The following LINGO2 variants were observed in gnomAD, a reference collection of about 807,000 sequenced individuals.
The protein encoded by LINGO2 is leucine rich repeat and Ig domain containing 2, also known as leucine-rich repeat and immunoglobulin-like domain-containing nogo receptor-interacting protein 2.
LINGO2 carries 14 observed loss-of-function variants against 30.6 expected under a neutral mutation model. The observed-to-expected ratio is 0.46, with a 90% CI of 0.30 to 0.72. The LOEUF is 0.72. Ranked by LOEUF, LINGO2 falls within the 30% of genes least tolerant of loss-of-function variation. The probability of loss-of-function intolerance (pLI) is 0.07; values close to 1 mark genes in which losing one functional copy is unlikely to be tolerated. For missense variants in LINGO2, 729 were observed against 751.7 expected (o/e 0.97, Z 0.35); for synonymous variants, 317 against 288.5 (o/e 1.10, Z -1.00).
chr9:29,129,253 T>A, the LINGO2 span, among the ~76,000 whole-genome samples: 1 of 152,202 alleles, frequency 6.6e-6, no homozygotes, highest in South Asian at 2.1e-4. Context: ...TTTAAAAAAA[T>A]TGTTAACAAG....
intron 1 of LINGO2, among the ~76,000 whole-genome samples, chr9:28,500,005 T>G (rs1430991726): frequency 6.6e-6 from 1 of 152,168 alleles, no homozygotes; most frequent in East Asian, 1.9e-4. Context: ...CACCAGAGAT[T>G]TTTCTTGATA....
At chr9:28,908,823 T>C in the LINGO2 span, among the ~76,000 whole-genome samples, 1 of 151,950 alleles carries the variant, frequency 6.6e-6, no homozygotes, top group Non-Finnish European at 1.5e-5. Context: ...TACAATGAAA[T>C]TCAAACTTAA....
intron 4 of LINGO2, among the ~76,000 whole-genome samples, chr9:28,227,315 G>C (rs1821204397): frequency 6.6e-6 from 1 of 151,998 alleles, no homozygotes; most frequent in East Asian, 1.9e-4. Context: ...ATGGACCATG[G>C]TCCCCTATTA....
the LINGO2 span, among the ~76,000 whole-genome samples, chr9:28,731,578 A>G: frequency 2.6e-5 from 4 of 152,154 alleles, no homozygotes; most frequent in Non-Finnish European, 4.4e-5. Context: ...GAACAACTCA[A>G]GGGATACTTG....
chr9:28,464,818 A>G (rs1277503390), intron 2 of LINGO2, among the ~76,000 whole-genome samples: 1 of 152,206 alleles, frequency 6.6e-6, no homozygotes, highest in Non-Finnish European at 1.5e-5. Context: ...TTCTTGAGCA[A>G]CACCCCACAA....
At chr9:28,422,879 T>C (rs1823259048) in intron 2 of LINGO2, among the ~76,000 whole-genome samples, 1 of 152,060 alleles carries the variant, frequency 6.6e-6, no homozygotes, top group African/African-American at 2.4e-5. Context: ...TGCTATAACG[T>C]GGATAAACTT....
the LINGO2 span, among the ~76,000 whole-genome samples, chr9:29,207,762 C>T: frequency 1.3e-5 from 2 of 151,988 alleles, no homozygotes; most frequent in African/African-American, 4.8e-5. Context: ...TTAACTTACC[C>T]TTGCAGCCAG....
intron 3 of LINGO2, among the ~76,000 whole-genome samples, chr9:28,336,776 C>T (rs1313518440): frequency 6.6e-6 from 1 of 151,396 alleles, no homozygotes; most frequent in Non-Finnish European, 1.5e-5. Flanking sequence ...TAATCATTAC[C>T]AGTGCAAATT....
At chr9:27,950,557 T>G in exon 6 of LINGO2, 1 of 1,556,464 alleles carries the variant, frequency 6.4e-7, no homozygotes, top group Non-Finnish European at 8.7e-7. Flanking sequence ...CTAACAGATT[T>G]GTTCTGGGCA....
the LINGO2 span, chr9:27,942,495 C>T: frequency 1.3e-5 from 2 of 151,654 alleles, no homozygotes; most frequent in Non-Finnish European, 2.9e-5. Flanking sequence ...TTTGTTTTTA[C>T]ATGTTAAAAA....
At chr9:28,488,645 G>T (rs559355074) in intron 1 of LINGO2, among the ~76,000 whole-genome samples, 2 of 152,088 alleles carry the variant, frequency 1.3e-5, no homozygotes, top group East Asian at 3.9e-4. Context: ...AATCAAAGGA[G>T]TTTTTTTGTG....
intron 1 of LINGO2, among the ~76,000 whole-genome samples, chr9:28,606,637 T>C (rs553959173): frequency 6.6e-6 from 1 of 152,158 alleles, no homozygotes; most frequent in South Asian, 2.1e-4. Context: ...AGGTAAAATT[T>C]GTTACTCTTA....
chr9:28,613,916 C>A (rs546438803), intron 1 of LINGO2, among the ~76,000 whole-genome samples: 206 of 151,640 alleles, frequency 1.4e-3, no homozygotes, highest in African/African-American at 4.9e-3. Flanking sequence ...TGAATGGATA[C>A]CCAACTTTGA....
chr9:28,758,046 TG>T, the LINGO2 span, among the ~76,000 whole-genome samples: 1 of 152,046 alleles, frequency 6.6e-6, no homozygotes. Context: ...TGGTTCTCCA[TG>T]GAAGGATAAG....
At chr9:28,170,128 TG>T (rs779310931) in intron 4 of LINGO2, among the ~76,000 whole-genome samples, 12 of 152,180 alleles carry the variant, frequency 7.9e-5, no homozygotes, top group Non-Finnish European at 1.5e-4. Context: ...GGACCATACC[TG>T]GTATTGAATA....
chr9:28,138,364 A>T (rs1827574933), intron 4 of LINGO2, among the ~76,000 whole-genome samples: 1 of 152,242 alleles, frequency 6.6e-6, no homozygotes, highest in South Asian at 2.1e-4. Context: ...GTCTACATGT[A>T]TGGAATACGG....
intron 1 of LINGO2, among the ~76,000 whole-genome samples, chr9:28,526,216 T>G (rs1039002024): frequency 6.6e-6 from 1 of 152,264 alleles, no homozygotes; most frequent in South Asian, 2.1e-4. Context: ...TCTGGAAGAA[T>G]GTTACTTGGA....
intron 2 of LINGO2, among the ~76,000 whole-genome samples, chr9:28,428,593 T>C (rs1564193040): frequency 6.6e-6 from 1 of 151,364 alleles, no homozygotes; most frequent in Non-Finnish European, 1.5e-5. Context: ...TTGACCTCAA[T>C]TGACTCAAAA....
chr9:27,960,522 T>A (rs1819787667), intron 5 of LINGO2, among the ~76,000 whole-genome samples: 1 of 152,152 alleles, frequency 6.6e-6, no homozygotes, highest in African/African-American at 2.4e-5. Flanking sequence ...CCTTAAGCTG[T>A]GATTCAGCCA....
Sources: allele counts gnomAD v4.1 joint callset (sites outside exome capture counted in the v4.1 genomes callset), GRCh38; gene constraint gnomAD v4.1.1; transcripts MANE v1.5; gene names NCBI Gene and HGNC (gene_info 2026-07-23, HGNC 2026-07-21).